DNAH14: variants seen among roughly 807,000 people sequenced by gnomAD.
The protein encoded by DNAH14 is dynein axonemal heavy chain 14, also known as axonemal beta dynein heavy chain 14.
In DNAH14, 478 loss-of-function variants were observed where a neutral mutation model predicts 520.9. The observed-to-expected ratio is 0.92, with a 90% CI of 0.85 to 0.99. The LOEUF is 0.99. Ranked by LOEUF, DNAH14 falls within the 50% of genes least tolerant of loss-of-function variation. The probability of loss-of-function intolerance (pLI) is 0.00; values close to 1 mark genes in which losing one functional copy is unlikely to be tolerated. For synonymous variants in DNAH14, 1,581 were observed against 1,757.2 expected (o/e 0.90, Z 2.51); for missense variants, 4,831 against 5,234.5 (o/e 0.92, Z 2.38).
intron 1 of DNAH14, among the ~76,000 whole-genome samples, chr1:224,938,868 C>T (rs944575624): frequency 2.6e-5 from 4 of 151,912 alleles, no homozygotes; most frequent in African/African-American, 9.7e-5. Flanking sequence ...AAAAAGAACC[C>T]TGTCGTTTAC....
intron 63 of DNAH14, 94 bp downstream of exon 63, chr1:225,324,447 G>A: frequency 2.1e-6 from 3 of 1,448,530 alleles, no homozygotes; most frequent in Non-Finnish European, 2.8e-6. Flanking sequence ...AAATGAACTT[G>A]AGTGGAAAGG....
In DNAH14 at chr1:225,032,324, A is replaced by C. The variant is rs555685656; in HGVS notation, c.1359-6370A>C. Among the ~76,000 whole-genome samples, 184 of 152,216 alleles carry C rather than the reference A, an allele frequency of 1.2e-3. 2 individuals carry two copies. Among genetic ancestry groups the C allele is most frequent in the Middle Eastern group, 6.8e-3 (2 of 294 alleles). On this transcript the variant is annotated intron_variant, in intron 11 of 85. Coordinates refer to ENST00000682510, the MANE Select transcript of DNAH14 (RefSeq NM_001367479.1). ...TTAGCTCCCACTTATAAGTGAGAAC[A>C]TACAGTATTTGGTTTTGTGTTCTTG...
chr1:224,937,205 C>T (rs2059100531), intron 1 of DNAH14, among the ~76,000 whole-genome samples: 1 of 151,986 alleles, frequency 6.6e-6, no homozygotes. Flanking sequence ...AAGTCTTGGC[C>T]AGAGCAACTA....
intron 43 of DNAH14, among the ~76,000 whole-genome samples, chr1:225,249,407 G>T (rs1031511372): frequency 2.0e-5 from 3 of 152,116 alleles, no homozygotes; most frequent in African/African-American, 7.2e-5. Flanking sequence ...CTATCAAGAA[G>T]GAAAATAAGA....
chr1:224,999,305 C>G (rs565656641), intron 8 of DNAH14, among the ~76,000 whole-genome samples: 2 of 152,088 alleles, frequency 1.3e-5, no homozygotes, highest in Non-Finnish European at 2.9e-5. Context: ...CTCCCGGGTT[C>G]AAGCCATTCT....
At chr1:225,236,118 A>G (rs685033) in intron 42 of DNAH14, among the ~76,000 whole-genome samples, 268 of 151,782 alleles carry the variant, frequency 1.8e-3, no homozygotes, top group African/African-American at 5.9e-3. Flanking sequence ...TTTAGTTGTG[A>G]TGGTAGTGTG....
chr1:225,034,663 C>G (rs1056398345), intron 11 of DNAH14, among the ~76,000 whole-genome samples: 9 of 151,950 alleles, frequency 5.9e-5, no homozygotes, highest in Admixed American at 2.0e-4. Context: ...ACTAGCTCTT[C>G]TTGGTACATC....
chr1:225,200,151 T>C (rs1447724067), intron 38 of DNAH14, among the ~76,000 whole-genome samples: 5 of 152,338 alleles, frequency 3.3e-5, no homozygotes, highest in African/African-American at 1.2e-4. Flanking sequence ...GAATAGCTAC[T>C]CCTGCTCATT....
intron 11 of DNAH14, among the ~76,000 whole-genome samples, chr1:225,036,197 G>A (rs1000096006): frequency 3.3e-5 from 5 of 151,980 alleles, no homozygotes; most frequent in African/African-American, 7.3e-5. Flanking sequence ...GTGCAATGGC[G>A]AGATCTTGGC....
At chr1:225,108,149 A>G (rs3128676) in intron 23 of DNAH14, among the ~76,000 whole-genome samples, 30,784 of 152,074 alleles carry the variant, frequency 0.2, 6,493 homozygotes, top group African/African-American at 0.53. Flanking sequence ...TGAATCTTCC[A>G]GCCTTTATCT....
intron 79 of DNAH14, among the ~76,000 whole-genome samples, chr1:225,379,419 A>T (rs1253526654): frequency 1.3e-5 from 2 of 152,206 alleles, no homozygotes; most frequent in African/African-American, 4.8e-5. Context: ...TTCTGTGAAG[A>T]TACATTTATC....
At chr1:225,299,189 C>T (rs1208095356) in intron 55 of DNAH14, among the ~76,000 whole-genome samples, 1 of 152,184 alleles carries the variant, frequency 6.6e-6, no homozygotes, top group African/African-American at 2.4e-5. Flanking sequence ...GCTAATCACT[C>T]ACTTTTTTTT....
chr1:225,243,795 A>C (rs560729682), intron 43 of DNAH14, among the ~76,000 whole-genome samples: 1 of 152,138 alleles, frequency 6.6e-6, no homozygotes, highest in African/African-American at 2.4e-5. Context: ...ATCTGCAAAC[A>C]GGACAATTTG....
Position 225,156,926 on chromosome 1 carries a change from G to A in DNAH14, c.5274-2388G>A, listed in dbSNP as rs1426657287. 3.6e-5 allele frequency among the ~76,000 whole-genome samples: 4 copies of A among 111,762 alleles called. 1 individual carries two copies. The highest frequency in any genetic ancestry group is 8.6e-4 in the East Asian group (2 of 2,320). 73.3% of individuals were successfully genotyped at this position (111,762 alleles called of 152,430 possible). A position where few individuals can be genotyped will look rare whatever the true frequency, so the allele number is the denominator to read the frequency against. ...GAGACGGGGTTTCACCGTTTTAGCCGGGATGGTCTCGATCTCTTGACCTCG... is the reference window on the plus strand; with the variant it reads ...GAGACGGGGTTTCACCGTTTTAGCCAGGATGGTCTCGATCTCTTGACCTCG... On this transcript the variant is annotated intron_variant, in intron 34 of 85. Coordinates refer to ENST00000682510, the MANE Select transcript of DNAH14 (RefSeq NM_001367479.1).
intron 10 of DNAH14, among the ~76,000 whole-genome samples, chr1:225,015,411 C>T (rs926751498): frequency 4.6e-5 from 7 of 152,052 alleles, no homozygotes; most frequent in South Asian, 2.1e-4. Context: ...GGTGGTTTTC[C>T]GTAGTGATAA....
At chr1:225,377,707 A>G (rs1241258579) in intron 79 of DNAH14, among the ~76,000 whole-genome samples, 1 of 152,168 alleles carries the variant, frequency 6.6e-6, no homozygotes, top group Non-Finnish European at 1.5e-5. Context: ...TATATAGAAA[A>G]GTATAGTCTA....
chr1:225,231,950 C>T (rs2091166527), intron 42 of DNAH14, among the ~76,000 whole-genome samples: 1 of 151,996 alleles, frequency 6.6e-6, no homozygotes, highest in Non-Finnish European at 1.5e-5. Context: ...ACCATAATCA[C>T]TCATATATAT....
chr1:224,930,366 A>T (rs2058605950), intron 1 of DNAH14, among the ~76,000 whole-genome samples: 1 of 152,182 alleles, frequency 6.6e-6, no homozygotes, highest in Non-Finnish European at 1.5e-5. Context: ...ACGCTAGGAA[A>T]TATATGTACA....
chr1:225,025,225 G>T (rs1193134129), intron 11 of DNAH14, among the ~76,000 whole-genome samples: 1 of 151,952 alleles, frequency 6.6e-6, no homozygotes, highest in African/African-American at 2.4e-5. Context: ...ACACCTACTT[G>T]GGAGGCTGAT....
Sources: gnomAD v4.1 joint callset for allele counts (sites outside exome capture counted in the v4.1 genomes callset) on GRCh38, gnomAD v4.1.1 for gene constraint, MANE v1.5 for transcripts, NCBI Gene and HGNC (gene_info 2026-07-23, HGNC 2026-07-21) for gene names.